SLC36A4: variants seen among roughly 807,000 people sequenced by gnomAD.
SLC36A4 encodes the protein neutral amino acid uniporter 4.
A neutral mutation model predicts 50.5 loss-of-function variants in SLC36A4; 49 were observed. The observed-to-expected ratio is 0.97, with a 90% confidence interval of 0.77 to 1.23. The LOEUF is 1.23. Among genes scored for constraint, SLC36A4 ranks in the 50% most tolerant of loss-of-function variants. SLC36A4 has a pLI of 0.00. For synonymous variants in SLC36A4, 207 were observed against 206.5 expected (o/e 1.00, Z -0.02); for missense variants, 611 against 608.4 (o/e 1.00, Z -0.05).
chr11:93,153,999 G>T, intron 10 of SLC36A4, 109 bp downstream of exon 10: 1 of 557,910 alleles, frequency 1.8e-6, no homozygotes, highest in Non-Finnish European at 2.8e-6. Flanking sequence ...TAAAAATATT[G>T]AAAAATACAT....
rs539222204 is a variant in SLC36A4, at chr11:93,163,244, C to T, written c.868-369G>A. ...TATTACGATAGTACATTTGCGACAA[C>T]TAAAAACCAATATTGGTACATCACT... On this transcript the variant is annotated intron_variant, in intron 8 of 10. Transcript: ENST00000326402. Among the ~76,000 whole-genome samples, 8 of 152,314 alleles carry T rather than the reference C, an allele frequency of 5.3e-5. No individual in the cohort carries two copies. In the South Asian group the frequency reaches 1.7e-3, roughly 32 times the overall value.
At chr11:93,151,873 T>C (rs1002390384) in intron 10 of SLC36A4, among the ~76,000 whole-genome samples, 3 of 152,018 alleles carry the variant, frequency 2.0e-5, no homozygotes, top group Admixed American at 1.3e-4. Context: ...TGGCTCATAG[T>C]ACAGGTTTAC....
chr11:93,178,509 T>C (rs1007576359), intron 6 of SLC36A4, among the ~76,000 whole-genome samples: 1 of 152,170 alleles, frequency 6.6e-6, no homozygotes, highest in Non-Finnish European at 1.5e-5. Flanking sequence ...GCTGTTCCTA[T>C]TGGTCATCTT....
In SLC36A4 at chr11:93,182,866, C is replaced by T; in HGVS notation, c.299G>A (p.Gly100Glu). 1 of 1,611,984 alleles carries T rather than the reference C, an allele frequency of 6.2e-7. No individual in the cohort carries two copies. Among genetic ancestry groups the T allele is most frequent in the Non-Finnish European group, 8.5e-7 (1 of 1,179,040 alleles). ...GTGCATACAGTGAACAGAAATAATTCCTATAAACACAAGGCTGATTGGTCC... is the reference window on the plus strand; with the variant it reads ...GTGCATACAGTGAACAGAAATAATTTCTATAAACACAAGGCTGATTGGTCC... ...VLGPISLVFI[G>E]IISVHCMHIL... Residue 100 changes from glycine to glutamate, a missense_variant, in exon 4 of 11, where the codon GGA becomes GAA. Transcript: ENST00000326402.
rs367567712 is a variant in SLC36A4 at position 93,168,045 on chromosome 11, A to G, written c.667T>C (p.Leu223=). ...MLCFLPFIIL[L]VFIRELKNLF... ...TTCTTTAGTTCACGAATGAAGACCAAAAGAATTATAAATGGAAGAAAGCAA... is the reference window on the plus strand; with the variant it reads ...TTCTTTAGTTCACGAATGAAGACCAGAAGAATTATAAATGGAAGAAAGCAA... Residue 223 remains leucine, a synonymous_variant, in exon 7 of 11, where the codon TTG becomes CTG. Coordinates refer to ENST00000326402, the MANE Select transcript of SLC36A4 (RefSeq NM_152313.4). The G allele has an allele frequency of 1.4e-5, 22 of 1,612,434 alleles. No individual in the cohort carries two copies. The highest frequency in any genetic ancestry group is 1.9e-5 in the Non-Finnish European group (22 of 1,179,022).
chr11:93,180,202 A>G, intron 6 of SLC36A4: 3 of 984,762 alleles, frequency 3.0e-6, no homozygotes, highest in Non-Finnish European at 3.6e-6. Flanking sequence ...GCTTTATAGT[A>G]TTGTTTTGAT....
chr11:93,160,380 G>A (rs529779547), intron 9 of SLC36A4: 1 of 985,368 alleles, frequency 1.0e-6, no homozygotes, highest in African/African-American at 1.7e-5. Flanking sequence ...CTAATGAAAG[G>A]TGGTGTCTAG....
At chr11:93,195,879 C>G (rs1360812704) in intron 1 of SLC36A4, among the ~76,000 whole-genome samples, 1 of 152,176 alleles carries the variant, frequency 6.6e-6, no homozygotes, top group Non-Finnish European at 1.5e-5. Flanking sequence ...ATACTGTAAA[C>G]TGCCTAGCCC....
Position 93,144,864 on chromosome 11 carries a change from C to G in SLC36A4, c.*3673G>C, listed in dbSNP as rs1859817911. ...AGATCAGACTCATTTTTTAAAAAGT[C>G]ATTATTGTATATTATCGATGTTCTG... On this transcript the variant is annotated 3_prime_UTR_variant, in exon 11 of 11. Transcript: ENST00000326402. 1.3e-5 allele frequency: 2 copies of G among 151,994 alleles called. No individual in the cohort carries two copies. Among genetic ancestry groups the G allele is most frequent in the African/African-American group, 4.8e-5 (2 of 41,410 alleles). The allele number at this position is 151,994 out of a possible 1,614,324, so 9.4% of individuals were successfully genotyped here. A position where few individuals can be genotyped will look rare whatever the true frequency, so the allele number is the denominator to read the frequency against.
intron 6 of SLC36A4, 108 bp downstream of exon 6, chr11:93,180,689 G>A (rs896654173): frequency 1.4e-5 from 11 of 782,726 alleles, no homozygotes; most frequent in Admixed American, 2.9e-5. Context: ...GATCATTTAT[G>A]AAAGGAACAC....
At chr11:93,177,909 G>C (rs1014974585) in intron 6 of SLC36A4, among the ~76,000 whole-genome samples, 1 of 152,246 alleles carries the variant, frequency 6.6e-6, no homozygotes, top group Non-Finnish European at 1.5e-5. Context: ...CTGTCAGAGA[G>C]GAATGTTTAA....
chr11:93,162,561 T>C lies in SLC36A4; in HGVS notation c.1037+145A>G. ...CGACCTCAGGTGATCCGCCCACCTC[T>C]GCCTCCCAAAGTGATGGGATTCCAG... is the stretch of plus-strand genomic sequence containing the variant. On this transcript the variant is annotated intron_variant, in intron 9 of 10. Transcript: ENST00000326402. 4 of 664,338 alleles carry C rather than the reference T, an allele frequency of 6.0e-6. No individual in the cohort carries two copies. The South Asian group carries it at 9.3e-5, about 15-fold the overall frequency. The allele number at this position is 664,338 out of a possible 1,614,324, so 41.2% of individuals were successfully genotyped here.
At position 93,181,747 on chromosome 11, in the gene SLC36A4, G is replaced by C; in HGVS notation, c.399C>G (p.Ser133Arg). 6.5e-7 allele frequency: 1 copy of C among 1,550,172 alleles called. No homozygotes were observed. The highest frequency in any genetic ancestry group is 1.2e-5 in the South Asian group (1 of 83,568). ...KSTLGYSDTV[S>R]FAMEVSPWSC... is the part of the protein sequence containing the mutation. ...TCCAAGGACTCACTTCCATAGCAAA[G>C]CTCACAGTGTCACTATAACCTAATG... The change falls in exon 5 of 11, where the codon AGC becomes AGG. Residue 133 changes from serine (S) to arginine (R), a missense_variant. Transcript: ENST00000326402.
In SLC36A4 at chr11:93,148,585, A is replaced by G. The variant is rs1859935884; in HGVS notation, c.1467T>C (p.Ser489=). The G allele has an allele frequency of 1.9e-6, 3 of 1,612,628 alleles. No individual in the cohort carries two copies. In the East Asian group the frequency reaches 6.7e-5, roughly 36 times the overall value. The change falls in exon 11 of 11, where the codon AGT becomes AGC. Residue 489 remains serine, a synonymous_variant. Coordinates refer to ENST00000326402, the MANE Select transcript of SLC36A4 (RefSeq NM_152313.4). ...ATGTTGAATTCAAATTTAGAAAAGG[A>G]CTCTGTGGAGTGCCAGCTACAACTT... ...TPKVVAGTPQ[S]PFLNLNSTCL...
intron 8 of SLC36A4, among the ~76,000 whole-genome samples, chr11:93,163,417 A>G (rs1860718698): frequency 1.3e-5 from 2 of 152,026 alleles, no homozygotes; most frequent in South Asian, 2.1e-4. Context: ...CTTGTTGTTC[A>G]TTATCTTGCC....
chr11:93,194,914 C>G (rs935295703), intron 1 of SLC36A4, among the ~76,000 whole-genome samples: 1 of 152,150 alleles, frequency 6.6e-6, no homozygotes, highest in African/African-American at 2.4e-5. Flanking sequence ...CCAAACTGAA[C>G]TGGTCTTCAC....
chr11:93,165,343 G>C (rs991455131), intron 8 of SLC36A4, among the ~76,000 whole-genome samples: 2 of 152,058 alleles, frequency 1.3e-5, no homozygotes, highest in African/African-American at 2.4e-5. Flanking sequence ...TAATATCTTA[G>C]AATCCTCAGA....
At chr11:93,168,737 T>C (rs1860994851) in intron 6 of SLC36A4, among the ~76,000 whole-genome samples, 1 of 152,046 alleles carries the variant, frequency 6.6e-6, no homozygotes, top group Admixed American at 6.6e-5. Flanking sequence ...ATCCACTACA[T>C]TCATGCATGG....
chr11:93,180,141 T>C, intron 6 of SLC36A4: 1 of 971,056 alleles, frequency 1.0e-6, no homozygotes, highest in Non-Finnish European at 1.2e-6. Flanking sequence ...AAAATAATGA[T>C]TAAAGAAGAG....
Sources: gnomAD v4.1 joint callset for allele counts (sites outside exome capture counted in the v4.1 genomes callset) on GRCh38, gnomAD v4.1.1 for gene constraint, MANE v1.5 for transcripts, NCBI Gene and HGNC (gene_info 2026-07-23, HGNC 2026-07-21) for gene names.